The following LAMC2 variants were observed in gnomAD, a reference collection of about 807,000 sequenced individuals.
LAMC2 encodes the protein laminin subunit gamma 2.
LAMC2 carries 97 observed loss-of-function variants against 140.2 expected under a neutral mutation model. The ratio of observed to expected loss-of-function variants is 0.69; its 90% CI spans 0.59 to 0.82. The LOEUF is 0.82. LAMC2 is among the 40% of genes least tolerant of loss of function. The pLI, the probability that LAMC2 is intolerant of heterozygous loss-of-function variation, is 0.00. For synonymous variants in LAMC2, 513 were observed against 540.2 expected (o/e 0.95, Z 0.70); for missense variants, 1,402 against 1,476.1 (o/e 0.95, Z 0.82).
At chr1:183,253,231 A>G in the LAMC2 span, among the ~76,000 whole-genome samples, 1 of 148,076 alleles carries the variant, frequency 6.8e-6, no homozygotes, top group African/African-American at 2.5e-5. Context: ...GTTATATTAC[A>G]TATTTATTAT....
At chr1:183,191,078 T>C (rs987783854) in intron 1 of LAMC2, among the ~76,000 whole-genome samples, 4 of 152,210 alleles carry the variant, frequency 2.6e-5, no homozygotes, top group Admixed American at 2.0e-4. Context: ...AAGTCTCCAA[T>C]ACATTGATTG....
chr1:183,192,858 C>T (rs563667139), intron 1 of LAMC2, among the ~76,000 whole-genome samples: 1 of 152,172 alleles, frequency 6.6e-6, no homozygotes, highest in Non-Finnish European at 1.5e-5. Flanking sequence ...GGGTGCACCA[C>T]CATGCCTGAC....
At chr1:183,257,114 G>A in the LAMC2 span, among the ~76,000 whole-genome samples, 2 of 151,996 alleles carry the variant, frequency 1.3e-5, no homozygotes, top group Non-Finnish European at 2.9e-5. Flanking sequence ...AATGTGCTAG[G>A]AGGTATTCCT....
intron 1 of LAMC2, among the ~76,000 whole-genome samples, chr1:183,200,233 A>C (rs769529784): frequency 3.3e-5 from 5 of 152,148 alleles, no homozygotes; most frequent in Non-Finnish European, 7.4e-5. Context: ...TCTAATAAAC[A>C]TACAAAATCA....
At chr1:183,240,622 A>G (rs1168909728) in intron 22 of LAMC2, 1 of 1,419,598 alleles carries the variant, frequency 7.0e-7, no homozygotes, top group Non-Finnish European at 9.2e-7. Context: ...ACTTGGGGGT[A>G]AAGGTCTGTG....
chr1:183,229,635 C>CAAAA (rs1304647617), intron 11 of LAMC2, among the ~76,000 whole-genome samples: 1 of 90,332 alleles, frequency 1.1e-5, no homozygotes, highest in African/African-American at 4.2e-5. Flanking sequence ...GACTCCATCT[C>CAAAA]AAAAAAAAAA....
Position 183,228,315 on chromosome 1 carries a change from G to A in LAMC2, c.1469-59G>A. 6.2e-7 allele frequency: 1 copy of A among 1,612,866 alleles called. No individual in the cohort carries two copies. The highest frequency in any genetic ancestry group is 1.3e-5 in the African/African-American group (1 of 75,026). ...GGGTGACTCGCAACTTTAGGCCTCT[G>A]CGTCTGGTCTTCCTCCTGATGGATG... On this transcript the variant is annotated intron_variant, in intron 10 of 22. Transcript: ENST00000264144. This position sits in a 1 kb window ranked among gnomAD's most constrained non-coding sequence, Gnocchi z 4.3.
chr1:183,221,360 C>A (rs1659463307), intron 5 of LAMC2, among the ~76,000 whole-genome samples: 1 of 152,078 alleles, frequency 6.6e-6, no homozygotes, highest in Non-Finnish European at 1.5e-5. Context: ...GAAATTAGTT[C>A]CCAAGCTACA....
intron 1 of LAMC2, among the ~76,000 whole-genome samples, chr1:183,187,822 T>C (rs1658201895): frequency 6.6e-6 from 1 of 152,224 alleles, no homozygotes; most frequent in African/African-American, 2.4e-5. Context: ...GAAAATGTGT[T>C]TCTCAAGGCC....
At chr1:183,248,670 T>C (rs1171582790), downstream of LAMC2, 1 of 152,178 alleles carries the variant, frequency 6.6e-6, no homozygotes, top group Admixed American at 6.5e-5. Context: ...GCAGAGCATA[T>C]TCATCACCAT....
At chr1:183,188,174 C>T (rs1658213032) in intron 1 of LAMC2, among the ~76,000 whole-genome samples, 1 of 152,216 alleles carries the variant, frequency 6.6e-6, no homozygotes, top group Non-Finnish European at 1.5e-5. Context: ...TTCCCCTTCC[C>T]TGGAGGCAGA....
At chr1:183,226,639 T>G in intron 8 of LAMC2, 59 bp from the exon 9 acceptor site, 1 of 1,408,190 alleles carries the variant, frequency 7.1e-7, no homozygotes, top group East Asian at 2.3e-5. Context: ...AAGAGAGATC[T>G]GACTTGAGAT....
chr1:183,196,668 G>A (rs1160249871), intron 1 of LAMC2, among the ~76,000 whole-genome samples: 1 of 152,162 alleles, frequency 6.6e-6, no homozygotes, highest in Non-Finnish European at 1.5e-5. Flanking sequence ...TAAAAGAGTT[G>A]TCAGTTTACA....
chr1:183,254,856 A>G, the LAMC2 span, among the ~76,000 whole-genome samples: 1 of 152,094 alleles, frequency 6.6e-6, no homozygotes, highest in South Asian at 2.1e-4. Flanking sequence ...TTTTTTCTCA[A>G]TCCCTAGGTT....
In LAMC2 at chr1:183,243,707, G is replaced by C. The variant is rs1205506707; in HGVS notation, c.*307G>C. ...ACAGGCAGATGTTTGCCTCATAATA[G>C]TCGTAAGTGGAGTCCTGGAATTTGG... On this transcript the variant is annotated 3_prime_UTR_variant, in exon 23 of 23. Transcript: ENST00000264144. 1 of 427,230 alleles carries C rather than the reference G, an allele frequency of 2.3e-6. No individual in the cohort carries two copies. Among genetic ancestry groups the C allele is most frequent in the Non-Finnish European group, 4.4e-6 (1 of 229,584 alleles). 26.5% of individuals were successfully genotyped at this position (427,230 alleles called of 1,614,324 possible). A position where few individuals can be genotyped will look rare whatever the true frequency, so the allele number is the denominator to read the frequency against.
chr1:183,231,133 C>T (rs1659788831), intron 12 of LAMC2, 30 bp downstream of exon 12: 2 of 1,613,690 alleles, frequency 1.2e-6, no homozygotes, highest in South Asian at 1.1e-5. Context: ...CCACCCCCAA[C>T]CCCACAGAAT....
In LAMC2 at chr1:183,232,069, A is replaced by G. The variant is rs182117971; in HGVS notation, c.1858-118A>G. 1.7e-4 allele frequency: 220 copies of G among 1,322,102 alleles called. 1 individual carries two copies. Among genetic ancestry groups the G allele is most frequent in the Non-Finnish European group, 2.3e-4 (214 of 921,482 alleles). 81.9% of individuals were successfully genotyped at this position (1,322,102 alleles called of 1,614,324 possible). A position where few individuals can be genotyped will look rare whatever the true frequency, so the allele number is the denominator to read the frequency against. ...GGCTCCAGGGTCTAAAATTTTAACC[A>G]CCATGACATGCTAAGCATTTCTGGA... On this transcript the variant is annotated intron_variant, in intron 12 of 22. Transcript: ENST00000264144.
chr1:183,255,919 C>T, the LAMC2 span, among the ~76,000 whole-genome samples: 1 of 151,988 alleles, frequency 6.6e-6, no homozygotes, highest in African/African-American at 2.4e-5. Flanking sequence ...CTGCCTCCGC[C>T]TCCCAAAGTG....
chr1:183,256,417 T>A, the LAMC2 span, among the ~76,000 whole-genome samples: 2 of 151,962 alleles, frequency 1.3e-5, no homozygotes, highest in African/African-American at 4.8e-5. Context: ...TCAAAAAAAA[T>A]AATAAAAAAA....
Sources: allele counts gnomAD v4.1 joint callset (sites outside exome capture counted in the v4.1 genomes callset), GRCh38; gene constraint gnomAD v4.1.1; non-coding constraint Gnocchi (gnomAD v3.1); transcripts MANE v1.5; gene names NCBI Gene and HGNC (gene_info 2026-07-23, HGNC 2026-07-21).